The following PTBP2 variants were observed in gnomAD, a reference collection of about 807,000 sequenced individuals.
The protein encoded by PTBP2 is polypyrimidine tract-binding protein 2.
PTBP2 carries 13 observed loss-of-function variants against 61.4 expected under a neutral mutation model. The observed-to-expected ratio is 0.21, with a 90% CI of 0.14 to 0.34. The LOEUF (loss-of-function observed/expected upper bound fraction) is 0.34. PTBP2 is among the 10% of genes least tolerant of loss of function. The probability of loss-of-function intolerance (pLI) is 1.00; values close to 1 mark genes in which losing one functional copy is unlikely to be tolerated. For synonymous variants in PTBP2, 215 were observed against 218.5 expected, an observed-to-expected ratio of 0.98 and a Z score of 0.14; for missense variants, 405 against 642.6, an observed-to-expected ratio of 0.63 and a Z score of 4.00.
chr1:96,726,711 A>C (rs12239746), intron 2 of PTBP2, among the ~76,000 whole-genome samples: 4,188 of 152,158 alleles, frequency 0.028, 72 homozygotes, highest in South Asian at 0.071. Flanking sequence ...TGCTGGGATT[A>C]CAAGCGTGAG....
intron 2 of PTBP2, among the ~76,000 whole-genome samples, chr1:96,728,816 T>TTG (rs199998421): frequency 0.025 from 2,018 of 80,666 alleles, 20 homozygotes; most frequent in African/African-American, 0.099. Flanking sequence ...TCTTTAAGCA[T>TTG]TTTTTTTTTT....
intron 5 of PTBP2, among the ~76,000 whole-genome samples, chr1:96,776,943 G>A (rs1570910201): frequency 6.6e-6 from 1 of 151,882 alleles, no homozygotes; most frequent in African/African-American, 2.4e-5. Flanking sequence ...AAACAATAGT[G>A]CATTTTATAA....
intron 2 of PTBP2, among the ~76,000 whole-genome samples, chr1:96,729,297 C>T (rs1651039669): frequency 6.6e-6 from 1 of 152,202 alleles, no homozygotes; most frequent in Non-Finnish European, 1.5e-5. Flanking sequence ...GTTAAGATTA[C>T]AGGCGTGAGC....
At position 96,769,710 on chromosome 1, in the gene PTBP2, T is replaced by C; in HGVS notation, c.123T>C (p.Gly41=). ...NMSSMVVTAN[G]NDSKKFKGED... ...TTTTTTAATGTCTTTCAGCCAATGG[T>C]AATGATAGTAAAAAATTTAAAGGAG... is the stretch of plus-strand genomic sequence containing the variant. The change falls in exon 4 of 14, where the codon GGT becomes GGC. Residue 41 remains glycine, a synonymous_variant. Coordinates refer to ENST00000674951, the MANE Select transcript of PTBP2 (RefSeq NM_021190.4). 1 of 1,596,712 alleles carries C rather than the reference T, an allele frequency of 6.3e-7. No individual in the cohort carries two copies. Among genetic ancestry groups the C allele is most frequent in the Non-Finnish European group, 8.5e-7 (1 of 1,171,758 alleles).
chr1:96,815,885 A>G (rs1032416944), downstream of PTBP2: 1 of 152,208 alleles, frequency 6.6e-6, no homozygotes, highest in Non-Finnish European at 1.5e-5. Flanking sequence ...AGCATCAGAT[A>G]AGTCTAAAGT....
intron 5 of PTBP2, among the ~76,000 whole-genome samples, chr1:96,772,806 G>A (rs1323163703): frequency 6.6e-6 from 1 of 152,012 alleles, no homozygotes; most frequent in African/African-American, 2.4e-5. Flanking sequence ...TTAAACGAAA[G>A]GAACATGTAA....
At chr1:96,823,448 GAATT>G (rs543094182) in exon 14 of PTBP2, 2 of 152,106 alleles carry the variant, frequency 1.3e-5, no homozygotes, top group Non-Finnish European at 2.9e-5. Flanking sequence ...TGAGTAGAAA[GAATT>G]AATGTAGATA....
At chr1:96,819,900 A>G (rs1662622973), downstream of PTBP2, 1 of 151,830 alleles carries the variant, frequency 6.6e-6, no homozygotes, top group Non-Finnish European at 1.5e-5. Flanking sequence ...GATTTGTAGA[A>G]TTCTAAAATG....
Position 96,724,302 on chromosome 1 carries a change from A to G in PTBP2, c.39+708A>G, listed in dbSNP as rs377761242. ...AGCCTCACTCTGTTGCCCAGGCTGG[A>G]TGCAGTGGCACGATCTTGGCCCACT... On this transcript the variant is annotated intron_variant, in intron 2 of 13. Coordinates refer to ENST00000674951, the MANE Select transcript of PTBP2 (RefSeq NM_021190.4). 1.8e-4 allele frequency among the ~76,000 whole-genome samples: 28 copies of G among 151,892 alleles called. No individual in the cohort carries two copies. The East Asian group carries it at 4.7e-3, about 25-fold the overall frequency.
intron 5 of PTBP2, among the ~76,000 whole-genome samples, chr1:96,775,523 C>G (rs1657935491): frequency 6.6e-6 from 1 of 152,052 alleles, no homozygotes; most frequent in Admixed American, 6.6e-5. Context: ...GAAGCCAAAC[C>G]AAAGTAGAAT....
chr1:96,810,087 CACT>C (rs67645316), intron 11 of PTBP2, among the ~76,000 whole-genome samples: 34,410 of 151,890 alleles, frequency 0.23, 4,297 homozygotes, highest in African/African-American at 0.34. Flanking sequence ...ATATAAACAC[CACT>C]ATGTCTGTAA....
In PTBP2 at chr1:96,753,712, G is replaced by A. The variant is rs543614124; in HGVS notation, c.115+2212G>A. ...AAAGATTGAAATAATGAGTGATGGA[G>A]GAGTGTGTTGAAGAGATAAAAAACT... On this transcript the variant is annotated intron_variant, in intron 3 of 13. Coordinates refer to ENST00000674951, the MANE Select transcript of PTBP2 (RefSeq NM_021190.4). 2.6e-5 allele frequency among the ~76,000 whole-genome samples: 4 copies of A among 152,148 alleles called. No individual in the cohort carries two copies. In the South Asian group the frequency reaches 6.2e-4, roughly 24 times the overall value.
rs150084581 is a variant in PTBP2, at chr1:96,783,700, C to T, written c.709-1359C>T. 3.8e-4 allele frequency among the ~76,000 whole-genome samples: 58 copies of T among 152,162 alleles called. No individual in the cohort carries two copies. In the East Asian group the frequency reaches 9.6e-3, roughly 25 times the overall value. ...AACATCAGTTCTATTACTTATCTCA[C>T]ATTTTCCCTATAGGAATGCTACATT... On this transcript the variant is annotated intron_variant, in intron 7 of 13. Coordinates refer to ENST00000674951, the MANE Select transcript of PTBP2 (RefSeq NM_021190.4).
intron 8 of PTBP2, among the ~76,000 whole-genome samples, chr1:96,797,933 G>A (rs937475955): frequency 2.6e-5 from 4 of 152,058 alleles, no homozygotes; most frequent in African/African-American, 9.7e-5. Context: ...AGAATTAGCT[G>A]GGTGTGGTGG....
At chr1:96,750,025 T>G (rs573099637) in intron 2 of PTBP2, among the ~76,000 whole-genome samples, 1 of 152,254 alleles carries the variant, frequency 6.6e-6, no homozygotes, top group South Asian at 2.1e-4. Context: ...TGTGTATCAG[T>G]GGTTCTTAAA....
At chr1:96,779,622 T>C (rs1658427502) in intron 7 of PTBP2, among the ~76,000 whole-genome samples, 1 of 152,082 alleles carries the variant, frequency 6.6e-6, no homozygotes, top group Non-Finnish European at 1.5e-5. Context: ...TGCACTCAGG[T>C]CTTCTTGACA....
At chr1:96,811,850 C>T (rs889930209) in intron 11 of PTBP2, among the ~76,000 whole-genome samples, 2 of 152,184 alleles carry the variant, frequency 1.3e-5, no homozygotes, top group African/African-American at 2.4e-5. Context: ...TTTCTAGCAT[C>T]AGACCAGTTC....
At chr1:96,739,901 G>A (rs1458939962) in intron 2 of PTBP2, among the ~76,000 whole-genome samples, 1 of 152,006 alleles carries the variant, frequency 6.6e-6, no homozygotes. Flanking sequence ...TGGGATTACA[G>A]GCCTGAGCCA....
rs1205378735 is a variant in PTBP2, at chr1:96,787,938, CA to C, written c.904+2687del. On this transcript the variant is annotated intron_variant, in intron 8 of 13. Transcript: ENST00000674951. ...ATTCCTAGAATTAGAATTATTGGGT[CA>C]AAGAAAATGTTAAAGCCTGTTTACT... Among the ~76,000 whole-genome samples the C allele has an allele frequency of 6.6e-4, 100 of 151,700 alleles. 2 individuals are homozygous for C. The highest frequency in any genetic ancestry group is 6.4e-3 in the Admixed American group (97 of 15,264).
Sources: gnomAD v4.1 joint callset for allele counts (sites outside exome capture counted in the v4.1 genomes callset) on GRCh38, gnomAD v4.1.1 for gene constraint, MANE v1.5 for transcripts, NCBI Gene and HGNC (gene_info 2026-07-23, HGNC 2026-07-21) for gene names.